GNB1: variants seen among roughly 807,000 people sequenced by gnomAD.
The protein encoded by GNB1 is G protein subunit beta 1, also known as guanine nucleotide-binding protein G(I)/G(S)/G(T) subunit beta-1.
A neutral mutation model predicts 42.9 loss-of-function variants in GNB1; 2 were observed. The ratio of observed to expected loss-of-function variants is 0.05; its 90% CI spans 0.02 to 0.15. The LOEUF is 0.15. Among genes scored for constraint, GNB1 ranks in the 10% least tolerant of loss-of-function variants. GNB1 has a pLI of 1.00. For missense variants in GNB1, 193 were observed against 462.2 expected (o/e 0.42, Z 5.34); for synonymous variants, 183 against 174.7 (o/e 1.05, Z -0.38).
At chr1:1,842,169 G>A (rs918612138) in intron 1 of GNB1, among the ~76,000 whole-genome samples, 2 of 152,182 alleles carry the variant, frequency 1.3e-5, no homozygotes, top group Non-Finnish European at 2.9e-5. Context: ...GGTGGCTCAC[G>A]CCTGTAATCC....
chr1:1,788,669 C>T (rs745942729), intron 10 of GNB1: 2 of 194,662 alleles, frequency 1.0e-5, no homozygotes, highest in South Asian at 2.2e-4. Flanking sequence ...CTTTTGTACA[C>T]CTGGCAATAA....
chr1:1,860,663 G>A (rs1648572202), intron 1 of GNB1, among the ~76,000 whole-genome samples: 1 of 149,692 alleles, frequency 6.7e-6, no homozygotes. Flanking sequence ...AAAGAGGGAG[G>A]AAGAGTCCCC....
intron 1 of GNB1, among the ~76,000 whole-genome samples, chr1:1,888,252 A>C (rs895310619): frequency 1.3e-5 from 2 of 152,042 alleles, no homozygotes; most frequent in East Asian, 3.9e-4. Flanking sequence ...CTCATCTTGA[A>C]AGGTTCCCGC....
intron 1 of GNB1, among the ~76,000 whole-genome samples, chr1:1,871,537 G>A (rs183460707): frequency 5.5e-4 from 84 of 151,914 alleles, no homozygotes; most frequent in African/African-American, 2.0e-3. Flanking sequence ...GTGTCTCCTC[G>A]ATCTAACCTC....
Position 1,881,268 on chromosome 1 carries a change from C to A in GNB1, c.-96+9552G>T, listed in dbSNP as rs542621583. 1.4e-4 allele frequency among the ~76,000 whole-genome samples: 22 copies of A among 152,224 alleles called. No homozygotes were observed. In the South Asian group the frequency reaches 1.9e-3, roughly 13 times the overall value. The stretch of plus-strand genomic sequence containing the variant: ...TTATCAATCGTCAACCTGGTCCAGA[C>A]CCCTTTCCTCTTCTACAGCAGCTTT... On this transcript the variant is annotated intron_variant, in intron 1 of 11. Transcript: ENST00000378609.
At chr1:1,852,172 G>T (rs1648022610) in intron 1 of GNB1, among the ~76,000 whole-genome samples, 1 of 152,070 alleles carries the variant, frequency 6.6e-6, no homozygotes, top group Non-Finnish European at 1.5e-5. Flanking sequence ...TAATACCAGG[G>T]GGCGATCACT....
At chr1:1,854,618 G>A (rs1410767553) in intron 1 of GNB1, among the ~76,000 whole-genome samples, 1 of 152,208 alleles carries the variant, frequency 6.6e-6, no homozygotes, top group Non-Finnish European at 1.5e-5. Context: ...TCCTAAGTAA[G>A]TTTTTAAGCT....
At position 1,789,069 on chromosome 1, in the gene GNB1, G is replaced by A. The variant is rs151237596; in HGVS notation, c.900C>T (p.Leu300=). ...DDFNCNVWDA[L]KADRAGVLAG... is the part of the protein sequence containing the mutation. Reference sequence around the variant, plus strand: ...GCCACGTACCTGCCCGGTCGGCTTTGAGTGCATCCCAGACGTTGCAGTTGA... The same window carrying A: ...GCCACGTACCTGCCCGGTCGGCTTTAAGTGCATCCCAGACGTTGCAGTTGA... Residue 300 remains leucine (L), a synonymous_variant, in exon 10 of 12, where the codon CTC becomes CTT. Coordinates refer to ENST00000378609, the MANE Select transcript of GNB1 (RefSeq NM_002074.5). The A allele has an allele frequency of 2.2e-4, 348 of 1,613,750 alleles. 1 individual carries two copies. Among genetic ancestry groups the A allele is most frequent in the Middle Eastern group, 4.9e-4 (3 of 6,062 alleles).
intron 7 of GNB1, chr1:1,793,573 C>A: frequency 3.1e-6 from 1 of 322,568 alleles, no homozygotes; most frequent in African/African-American, 2.1e-5. Context: ...GAAACCACAC[C>A]CATGAAACAT....
intron 2 of GNB1, among the ~76,000 whole-genome samples, chr1:1,828,894 T>TACACACAC (rs71578341): frequency 1.3e-5 from 2 of 149,730 alleles, no homozygotes; most frequent in Non-Finnish European, 3.0e-5. Flanking sequence ...CATACACACA[T>TACACACAC]ACACACACAC....
At chr1:1,879,823 C>A (rs1380587297) in intron 1 of GNB1, among the ~76,000 whole-genome samples, 1 of 152,082 alleles carries the variant, frequency 6.6e-6, no homozygotes, top group Non-Finnish European at 1.5e-5. Flanking sequence ...ATCTTCACAT[C>A]GTGTCTGCTC....
chr1:1,834,046 G>C (rs1478579372), intron 2 of GNB1, among the ~76,000 whole-genome samples: 6 of 152,118 alleles, frequency 3.9e-5, no homozygotes, highest in African/African-American at 1.4e-4. Flanking sequence ...AAAAAGGAGA[G>C]AAAGCAAACA....
intron 7 of GNB1, among the ~76,000 whole-genome samples, chr1:1,794,511 C>G (rs903287501): frequency 2.0e-5 from 3 of 152,038 alleles, no homozygotes; most frequent in Non-Finnish European, 4.4e-5. Context: ...TCTTGGGATA[C>G]CTGTTTAGAT....
chr1:1,877,177 G>A (rs977882891), intron 1 of GNB1, among the ~76,000 whole-genome samples: 3 of 151,650 alleles, frequency 2.0e-5, no homozygotes, highest in Non-Finnish European at 4.4e-5. Flanking sequence ...GTGTATGCCT[G>A]TAATCCCAGC....
intron 1 of GNB1, among the ~76,000 whole-genome samples, chr1:1,880,338 C>T (rs762358002): frequency 6.6e-6 from 1 of 152,160 alleles, no homozygotes; most frequent in African/African-American, 2.4e-5. Flanking sequence ...CGGCGGCTCA[C>T]GCTTGTAATC....
intron 2 of GNB1, among the ~76,000 whole-genome samples, chr1:1,833,735 G>A (rs1476932231): frequency 2.6e-5 from 4 of 152,200 alleles, no homozygotes; most frequent in African/African-American, 9.6e-5. Flanking sequence ...ACATGACCTT[G>A]CTAATGGGCC....
chr1:1,874,857 A>G (rs890786601), intron 1 of GNB1, among the ~76,000 whole-genome samples: 7 of 151,990 alleles, frequency 4.6e-5, no homozygotes, highest in African/African-American at 1.7e-4. Flanking sequence ...GAATCCTTAC[A>G]GCAGCGGTCA....
At chr1:1,842,179 C>T (rs185691723) in intron 1 of GNB1, among the ~76,000 whole-genome samples, 7 of 152,156 alleles carry the variant, frequency 4.6e-5, no homozygotes, top group African/African-American at 1.4e-4. Flanking sequence ...GCCTGTAATC[C>T]CAGCACTCTG....
intron 5 of GNB1, among the ~76,000 whole-genome samples, chr1:1,815,335 G>T (rs1646839479): frequency 6.6e-6 from 1 of 152,090 alleles, no homozygotes; most frequent in African/African-American, 2.4e-5. Context: ...CCTCGGGGCA[G>T]GTTCTGTGAT....
Sources: allele counts gnomAD v4.1 joint callset (sites outside exome capture counted in the v4.1 genomes callset), GRCh38; gene constraint gnomAD v4.1.1; transcripts MANE v1.5; gene names NCBI Gene and HGNC (gene_info 2026-07-23, HGNC 2026-07-21).